CHODL: variants seen among roughly 807,000 people sequenced by gnomAD.
CHODL encodes chondrolectin.
A neutral mutation model predicts 34.5 loss-of-function variants in CHODL; 29 were observed. That is an observed-to-expected ratio of 0.84 (90% CI 0.63 to 1.15). The LOEUF (loss-of-function observed/expected upper bound fraction) is 1.15. CHODL is among the 50% of genes most tolerant of loss of function. CHODL has a pLI of 0.00. For synonymous variants in CHODL, 125 were observed against 116.1 expected, an observed-to-expected ratio of 1.08 and a Z score of -0.49; for missense variants, 332 against 332.5, an observed-to-expected ratio of 1.00 and a Z score of 0.01.
At chr21:17,948,777 A>G (rs1380177061) in intron 1 of CHODL, among the ~76,000 whole-genome samples, 1 of 152,188 alleles carries the variant, frequency 6.6e-6, no homozygotes, top group Admixed American at 6.5e-5. Flanking sequence ...TCTCCAATCA[A>G]AGAAAAGCCC....
chr21:18,194,057 C>T (rs1412623205), intron 2 of CHODL, among the ~76,000 whole-genome samples: 1 of 152,034 alleles, frequency 6.6e-6, no homozygotes, highest in Non-Finnish European at 1.5e-5. Flanking sequence ...TTTCCATTGC[C>T]ACTGCTACCC....
chr21:17,937,081 C>CAAAAA (rs71189570), intron 1 of CHODL, among the ~76,000 whole-genome samples: 21 of 94,648 alleles, frequency 2.2e-4, no homozygotes, highest in South Asian at 7.3e-4. Flanking sequence ...GACTCCATCT[C>CAAAAA]AAAAAAAAAA....
rs1333481522 is a variant in CHODL, at chr21:18,171,198, G to GTTCTT, written c.-44-85309_-44-85308insCTTTT. 3.0e-4 allele frequency among the ~76,000 whole-genome samples: 11 copies of GTTCTT among 37,082 alleles called. 3 individuals carry two copies. The highest frequency in any genetic ancestry group is 1.3e-3 in the African/African-American group (9 of 6,942). The allele number at this position is 37,082 out of a possible 152,430, so 24.3% of individuals were successfully genotyped here. A position where few individuals can be genotyped will look rare whatever the true frequency, so the allele number is the denominator to read the frequency against. On this transcript the variant is annotated intron_variant, in intron 2 of 6. Coordinates refer to the CHODL transcript ENST00000400127. ...TGTTCTTCAGACATGGTTTTCTTTA[G>GTTCTT]TTTTTTTTTTTTTTTTTTTGAGACG...
chr21:18,136,197 T>C (rs2072726155), intron 2 of CHODL, among the ~76,000 whole-genome samples: 1 of 152,200 alleles, frequency 6.6e-6, no homozygotes, highest in Non-Finnish European at 1.5e-5. Context: ...ATGTTCATTT[T>C]ACTCAACAAA....
At chr21:18,206,609 ACT>A (rs993089775) in intron 2 of CHODL, among the ~76,000 whole-genome samples, 5 of 110,500 alleles carry the variant, frequency 4.5e-5, no homozygotes, top group Non-Finnish European at 9.8e-5. Flanking sequence ...TAATTCAGTC[ACT>A]CTCTGTGTTT....
intron 2 of CHODL, among the ~76,000 whole-genome samples, chr21:18,044,605 C>T (rs192035794): frequency 7.2e-5 from 11 of 152,012 alleles, no homozygotes; most frequent in Admixed American, 6.6e-4. Context: ...TTCTGAATTT[C>T]AAGCAGATAA....
intron 2 of CHODL, among the ~76,000 whole-genome samples, chr21:18,088,819 C>T (rs2065038288): frequency 6.6e-6 from 1 of 152,220 alleles, no homozygotes; most frequent in Non-Finnish European, 1.5e-5. Flanking sequence ...CTTCTTTTTG[C>T]TATTGTACAG....
chr21:17,933,569 T>A (rs1260267534), intron 1 of CHODL, among the ~76,000 whole-genome samples: 2 of 152,148 alleles, frequency 1.3e-5, no homozygotes, highest in Admixed American at 6.5e-5. Flanking sequence ...AGGTCATAGA[T>A]TAACAGCATC....
At chr21:18,134,375 T>C (rs775659730) in intron 2 of CHODL, 1 of 517,190 alleles carries the variant, frequency 1.9e-6, no homozygotes, top group Non-Finnish European at 3.9e-6. Flanking sequence ...GGTGGAGGTG[T>C]TTTAAGTCAA....
chr21:18,035,948 A>G (rs866709520), intron 2 of CHODL, among the ~76,000 whole-genome samples: 1 of 151,928 alleles, frequency 6.6e-6, no homozygotes, highest in African/African-American at 2.4e-5. Flanking sequence ...TCTTCATCCC[A>G]CATCATATTT....
rs1456426834 is a variant in CHODL, at chr21:18,232,186, CTA to C, written c.-44-24321_-44-24320del. ...TCTTTAAAATGATATAAATTATTCA[CTA>C]TTTTATTGTCTTATTCAAGCAGTAA... On this transcript the variant is annotated intron_variant, in intron 2 of 6. Coordinates refer to the CHODL transcript ENST00000400127. Among the ~76,000 whole-genome samples the C allele has an allele frequency of 4.6e-5, 7 of 152,164 alleles. No homozygotes were observed. In the East Asian group the frequency reaches 5.8e-4, roughly 13 times the overall value.
chr21:18,074,467 T>A (rs2064841464), intron 2 of CHODL, among the ~76,000 whole-genome samples: 1 of 152,168 alleles, frequency 6.6e-6, no homozygotes, highest in Non-Finnish European at 1.5e-5. Flanking sequence ...TAGTAATGTA[T>A]ATGAGGTAAT....
In CHODL at chr21:18,127,181, GT is replaced by G. The variant is rs377194814; in HGVS notation, c.-45+99219del. On this transcript the variant is annotated intron_variant, in intron 2 of 6. Coordinates refer to the CHODL transcript ENST00000400127. ...TGAGGAATAATGATGATGGATATAT[GT>G]TTTTTTTTAAGGAATAATGAAAATG... 3.2e-3 allele frequency among the ~76,000 whole-genome samples: 480 copies of G among 150,970 alleles called. 5 individuals carry two copies. The highest frequency in any genetic ancestry group is 9.0e-3 in the African/African-American group (373 of 41,256).
chr21:18,260,820 A>AAAC (rs558969072), intron 4 of CHODL, among the ~76,000 whole-genome samples: 214 of 136,568 alleles, frequency 1.6e-3, no homozygotes, highest in East Asian at 5.1e-3. Context: ...TCAAAAAAGC[A>AAAC]AACAACAACA....
chr21:17,924,581 G>A (rs1054230981), intron 1 of CHODL, among the ~76,000 whole-genome samples: 24 of 152,198 alleles, frequency 1.6e-4, no homozygotes, highest in African/African-American at 5.1e-4. Context: ...AGGCTTCCAA[G>A]TCTGAAGCTG....
intron 2 of CHODL, among the ~76,000 whole-genome samples, chr21:18,084,191 CA>C (rs771055760): frequency 1.2e-4 from 19 of 152,294 alleles, no homozygotes; most frequent in Admixed American, 5.9e-4. Flanking sequence ...CTTGCTCTCT[CA>C]TGGTAAAATA....
chr21:17,941,214 C>G (rs926644629), intron 1 of CHODL, among the ~76,000 whole-genome samples: 1 of 148,966 alleles, frequency 6.7e-6, no homozygotes, highest in African/African-American at 2.5e-5. Flanking sequence ...GTTCAAAAGA[C>G]AAGGCAGATT....
intron 1 of CHODL, among the ~76,000 whole-genome samples, chr21:17,938,874 T>C (rs1379361909): frequency 6.7e-6 from 1 of 149,874 alleles, no homozygotes; most frequent in Non-Finnish European, 1.5e-5. Flanking sequence ...ATTTACTGCC[T>C]CTGCTGGATT....
At chr21:18,224,684 C>T (rs904903863) in intron 2 of CHODL, among the ~76,000 whole-genome samples, 48 of 151,996 alleles carry the variant, frequency 3.2e-4, no homozygotes, top group African/African-American at 1.2e-3. Flanking sequence ...CATATATATT[C>T]CATTGTTGAA....
Sources: gnomAD v4.1 joint callset for allele counts (sites outside exome capture counted in the v4.1 genomes callset) on GRCh38, gnomAD v4.1.1 for gene constraint, MANE v1.5 for transcripts, NCBI Gene and HGNC (gene_info 2026-07-23, HGNC 2026-07-21) for gene names.